COX4I2: variants seen among roughly 807,000 people sequenced by gnomAD.
COX4I2 encodes the protein cytochrome c oxidase subunit 4 isoform 2, mitochondrial.
In COX4I2, 15 loss-of-function variants were observed where a neutral mutation model predicts 20.8. The observed-to-expected ratio is 0.72, with a 90% CI of 0.48 to 1.11. The LOEUF (loss-of-function observed/expected upper bound fraction) is 1.11, where lower values mean the gene tolerates loss of function less well. COX4I2 is among the 50% of genes most tolerant of loss of function. The pLI is 0.00. For missense variants in COX4I2, 224 were observed against 223.0 expected (o/e 1.00, Z -0.03); for synonymous variants, 80 against 78.1 (o/e 1.02, Z -0.13).
intron 3 of COX4I2, among the ~76,000 whole-genome samples, chr20:31,642,827 C>A (rs774885418): frequency 6.6e-6 from 1 of 152,140 alleles, no homozygotes; most frequent in Non-Finnish European, 1.5e-5. Context: ...AGCAATCCAC[C>A]CGTCTTGGTC....
chr20:31,638,814 T>C (rs1204059055), intron 1 of COX4I2, among the ~76,000 whole-genome samples: 1 of 152,074 alleles, frequency 6.6e-6, no homozygotes, highest in Admixed American at 6.5e-5. Context: ...AAAAAGGGGC[T>C]TCAAAGGTCT....
chr20:31,639,053 G>A lies in COX4I2; in HGVS notation c.36G>A (p.Arg12=), dbSNP rs966623994. The A allele has an allele frequency of 9.3e-6, 15 of 1,612,670 alleles. No homozygotes were observed. The highest frequency in any genetic ancestry group is 1.3e-5 in the African/African-American group (1 of 74,920). ...GAGCTGCCTGGAGCTTGGTGCTGAGGAAAGGTGGAGGTGGAAGACGAGGGA... is the reference window on the plus strand; with the variant it reads ...GAGCTGCCTGGAGCTTGGTGCTGAGAAAAGGTGGAGGTGGAAGACGAGGGA... The part of the protein sequence containing the change: ...LPRAAWSLVL[R]KGGGGRRGMH... Residue 12 remains arginine (R), a synonymous_variant, in exon 2 of 5, where the codon AGG becomes AGA. Transcript: ENST00000376075.
intron 1 of COX4I2, 52 bp from the exon 2 acceptor site, chr20:31,638,966 G>A (rs1308683875): frequency 9.0e-6 from 14 of 1,551,956 alleles, no homozygotes; most frequent in Non-Finnish European, 1.2e-5. Context: ...CTGCGGTTTG[G>A]GGGCAGAGGG....
chr20:31,640,102 G>A lies in COX4I2; in HGVS notation c.247+5G>A, dbSNP rs377615650. 2.5e-6 allele frequency: 4 copies of A among 1,604,894 alleles called. No individual in the cohort carries two copies. Among genetic ancestry groups the A allele is most frequent in the South Asian group, 1.1e-5 (1 of 90,624 alleles). On this transcript the variant is annotated splice_donor_5th_base_variant and intron_variant, in intron 3 of 4. Transcript: ENST00000376075. ...CCCACGCCGAAAAGGTGGCCTGTAA[G>A]TGTCAGGGTGGGGCTGGCTGGAGAG...
intron 3 of COX4I2, among the ~76,000 whole-genome samples, chr20:31,641,149 C>T (rs1176825817): frequency 6.6e-6 from 1 of 151,358 alleles, no homozygotes; most frequent in Non-Finnish European, 1.5e-5. Flanking sequence ...ACCACATGTA[C>T]CCTAAAACTT....
At chr20:31,641,034 C>G (rs1238567304) in intron 3 of COX4I2, among the ~76,000 whole-genome samples, 1 of 151,440 alleles carries the variant, frequency 6.6e-6, no homozygotes, top group Non-Finnish European at 1.5e-5. Context: ...AATTGACACT[C>G]TTGGGGGGAG....
At chr20:31,640,367 A>G (rs564152609) in intron 3 of COX4I2, among the ~76,000 whole-genome samples, 1 of 152,282 alleles carries the variant, frequency 6.6e-6, no homozygotes, top group East Asian at 1.9e-4. Flanking sequence ...GGGAAAACCA[A>G]TACAGACTCC....
At chr20:31,638,880 G>T (rs1035914655) in intron 1 of COX4I2, 138 bp from the exon 2 acceptor site, 9 of 913,334 alleles carry the variant, frequency 9.9e-6, no homozygotes, top group South Asian at 1.5e-5. Context: ...AGGGTCAAGG[G>T]CATGAGGGTG....
In COX4I2 at chr20:31,644,754, T is replaced by G; in HGVS notation, c.380-14T>G. 6.2e-6 allele frequency: 10 copies of G among 1,613,800 alleles called. No homozygotes were observed. The highest frequency in any genetic ancestry group is 8.5e-6 in the Non-Finnish European group (10 of 1,179,840). ...ACTGGCAGGATCCTGATCCACCCCATGTACTCCCTGCAGTATTTCCTCCAA... is the reference window on the plus strand; with the variant it reads ...ACTGGCAGGATCCTGATCCACCCCAGGTACTCCCTGCAGTATTTCCTCCAA... On this transcript the variant is annotated splice_polypyrimidine_tract_variant and intron_variant, in intron 4 of 4. Coordinates refer to ENST00000376075, the MANE Select transcript of COX4I2 (RefSeq NM_032609.3).
Position 31,644,758 on chromosome 20 carries a change from C to T in COX4I2, c.380-10C>T. On this transcript the variant is annotated splice_polypyrimidine_tract_variant and intron_variant, in intron 4 of 4. Transcript: ENST00000376075. ...GCAGGATCCTGATCCACCCCATGTA[C>T]TCCCTGCAGTATTTCCTCCAAAGCC... The T allele has an allele frequency of 6.2e-7, 1 of 1,613,970 alleles. No homozygotes were observed. The highest frequency in any genetic ancestry group is 8.5e-7 in the Non-Finnish European group (1 of 1,179,910).
chr20:31,640,793 C>T (rs938541235), intron 3 of COX4I2, among the ~76,000 whole-genome samples: 1 of 152,074 alleles, frequency 6.6e-6, no homozygotes, highest in South Asian at 2.1e-4. Context: ...AAGGTTCATG[C>T]TTCTCACATT....
Position 31,639,631 on chromosome 20 carries a change from CA to C in COX4I2, c.83-301del, listed in dbSNP as rs568773386. ...AGTGTTCAGTGGCGCAATGTCGGCT[CA>C]CTGCAACCTCCGCCTCCTGGGTTCA... On this transcript the variant is annotated intron_variant, in intron 2 of 4. Coordinates refer to ENST00000376075, the MANE Select transcript of COX4I2 (RefSeq NM_032609.3). Among the ~76,000 whole-genome samples, 776 of 146,602 alleles carry C rather than the reference CA, an allele frequency of 5.3e-3. 10 individuals are homozygous for C. Among genetic ancestry groups the C allele is most frequent in the African/African-American group, 0.018 (711 of 38,818 alleles).
chr20:31,638,482 C>A (rs2060448745), intron 1 of COX4I2, among the ~76,000 whole-genome samples: 2 of 89,392 alleles, frequency 2.2e-5, no homozygotes, highest in Admixed American at 2.3e-4. Flanking sequence ...CCAGTCCCCA[C>A]CCCAACCAGA....
At chr20:31,639,166 T>C in intron 2 of COX4I2, 67 bp downstream of exon 2, 1 of 1,551,420 alleles carries the variant, frequency 6.4e-7, no homozygotes. Context: ...CTCTGCAGGC[T>C]GCCCCCTTTG....
At chr20:31,640,954 TACACACACACACACACAC>T (rs35214276) in intron 3 of COX4I2, among the ~76,000 whole-genome samples, 1 of 133,534 alleles carries the variant, frequency 7.5e-6, no homozygotes, top group African/African-American at 2.9e-5. Flanking sequence ...TCTCTCTTTC[TACACACACACACACACAC>T]ACACACACAC....
At chr20:31,640,142 T>C in intron 3 of COX4I2, 45 bp downstream of exon 3, 1 of 1,559,598 alleles carries the variant, frequency 6.4e-7, no homozygotes. Context: ...GGTTGGGGGC[T>C]GACTTTGGAA....
In COX4I2 at chr20:31,639,266, A is replaced by T. The variant is rs949720219; in HGVS notation, c.82+167A>T. On this transcript the variant is annotated intron_variant, in intron 2 of 4. Transcript: ENST00000376075. Reference sequence around the variant, plus strand: ...GGTCCAAGGTCAAGTTTCTCCAGGAAATGGAGTGCGCGGGGTGAGCAGACA... The same window carrying T: ...GGTCCAAGGTCAAGTTTCTCCAGGATATGGAGTGCGCGGGGTGAGCAGACA... 1.3e-5 allele frequency: 13 copies of T among 985,216 alleles called. No homozygotes were observed. The African/African-American group carries it at 2.1e-4, about 16-fold the overall frequency. 61.0% of individuals were successfully genotyped at this position (985,216 alleles called of 1,614,324 possible).
rs1226524979 is a variant in COX4I2, at chr20:31,639,943, G to C, written c.93G>C (p.Gly31=). The change falls in exon 3 of 5, where the codon GGG becomes GGC. Residue 31 remains glycine (G), a synonymous_variant. Transcript: ENST00000376075. ...MHSSEGTTRG[G]GKMSPYTNCY... is the part of the protein sequence containing the mutation. Reference sequence around the variant, plus strand: ...CCATTGTGTCTGCAGCCCGTGGTGGGGGGAAGATGTCCCCCTACACCAACT... The same window carrying C: ...CCATTGTGTCTGCAGCCCGTGGTGGCGGGAAGATGTCCCCCTACACCAACT... 2 of 1,613,936 alleles carry C rather than the reference G, an allele frequency of 1.2e-6. No homozygotes were observed. Among genetic ancestry groups the C allele is most frequent in the Non-Finnish European group, 1.7e-6 (2 of 1,180,020 alleles).
rs140974203 is a variant in COX4I2 at position 31,643,967 on chromosome 20, C to T, written c.379+432C>T. Reference sequence around the variant, plus strand: ...CTGGGACTACAAGAGTGTGCCACCACGCCCGGCTAATTTTTGTATTTTTAG... The same window carrying T: ...CTGGGACTACAAGAGTGTGCCACCATGCCCGGCTAATTTTTGTATTTTTAG... On this transcript the variant is annotated intron_variant, in intron 4 of 4. Transcript: ENST00000376075. 3.8e-3 allele frequency among the ~76,000 whole-genome samples: 571 copies of T among 152,242 alleles called. 2 individuals are homozygous for T. The highest frequency in any genetic ancestry group is 0.013 in the African/African-American group (545 of 41,552).
Sources: allele counts gnomAD v4.1 joint callset (sites outside exome capture counted in the v4.1 genomes callset), GRCh38; gene constraint gnomAD v4.1.1; transcripts MANE v1.5; gene names NCBI Gene and HGNC (gene_info 2026-07-23, HGNC 2026-07-21).